Variants in KPNA7 observed in about 807,000 individuals in gnomAD.
KPNA7 encodes importin subunit alpha-8.
A neutral mutation model predicts 53.7 loss-of-function variants in KPNA7; 54 were observed. The observed-to-expected ratio is 1.01, with a 90% CI of 0.81 to 1.26. The LOEUF is 1.26. Ranked by LOEUF, KPNA7 falls within the 50% of genes most tolerant of loss-of-function variation. KPNA7 has a pLI of 0.00. For missense variants in KPNA7, 640 were observed against 644.5 expected (o/e 0.99, Z 0.07); for synonymous variants, 276 against 259.3 (o/e 1.06, Z -0.62).
the KPNA7 span, among the ~76,000 whole-genome samples, chr7:99,163,380 TA>T: frequency 0.02 from 1,444 of 70,512 alleles, 27 homozygotes; most frequent in African/African-American, 0.055. Context: ...TATATATATA[TA>T]TATTTTTTTT....
intron 2 of KPNA7, 78 bp downstream of exon 2, chr7:99,207,323 G>T: frequency 8.1e-7 from 1 of 1,229,684 alleles, no homozygotes; most frequent in Non-Finnish European, 1.2e-6. Context: ...ATGAGCCACC[G>T]CGCCTGGTCT....
At chr7:99,176,753 C>A (rs1360806241) in intron 10 of KPNA7, among the ~76,000 whole-genome samples, 1 of 152,108 alleles carries the variant, frequency 6.6e-6, no homozygotes, top group Non-Finnish European at 1.5e-5. Flanking sequence ...GTGGTGCATG[C>A]CTGTAGTCCC....
chr7:99,182,016 G>A lies in KPNA7; in HGVS notation c.1184C>T (p.Ala395Val). The A allele has an allele frequency of 6.5e-7, 1 of 1,548,874 alleles. No individual in the cohort carries two copies. The highest frequency in any genetic ancestry group is 8.7e-7 in the Non-Finnish European group (1 of 1,144,816). The change falls in exon 9 of 11, where the codon GCA (alanine) becomes GTA (valine). Residue 395 changes from alanine (A) to valine (V), a missense_variant. By Grantham distance (64) the Ala-to-Val change is moderately conservative. Transcript: ENST00000327442. ...CAGCTGATCCATGGTGGCCCCTGTTGCAAAGTTCGCCACCATCCAGACAGC... is the reference window on the plus strand; with the variant it reads ...CAGCTGATCCATGGTGGCCCCTGTTACAAAGTTCGCCACCATCCAGACAGC... ...KEAVWMVANF[A>V]TGATMDQLIQ...
At position 99,180,598 on chromosome 7, in the gene KPNA7, CGTCTCTGTCTCTCT is replaced by C. The variant is rs1008550059; in HGVS notation, c.1317+1271_1317+1284del. Among the ~76,000 whole-genome samples, 3 of 132,314 alleles carry C rather than the reference CGTCTCTGTCTCTCT, an allele frequency of 2.3e-5. 1 individual carries two copies. The highest frequency in any genetic ancestry group is 4.9e-5 in the Non-Finnish European group (3 of 61,486). 86.8% of individuals were successfully genotyped at this position (132,314 alleles called of 152,430 possible). A position where few individuals can be genotyped will look rare whatever the true frequency, so the allele number is the denominator to read the frequency against. ...GTCTCTGTCCATCTCTCCGTCTCTC[CGTCTCTGTCTCTCT>C]CCCCATCTCTCTCTCCCCGTCTCTC... On this transcript the variant is annotated intron_variant, in intron 9 of 10. Transcript: ENST00000327442.
At chr7:99,186,159 T>C (rs73147654) in intron 7 of KPNA7, among the ~76,000 whole-genome samples, 9,480 of 152,276 alleles carry the variant, frequency 0.062, 425 homozygotes, top group African/African-American at 0.12. Flanking sequence ...GCATATTTAA[T>C]TGGAGATAAT....
At chr7:99,165,532 A>G in the KPNA7 span, among the ~76,000 whole-genome samples, 2 of 152,180 alleles carry the variant, frequency 1.3e-5, no homozygotes, top group Non-Finnish European at 2.9e-5. Flanking sequence ...CCCAATGTCC[A>G]CTAAATCATA....
chr7:99,214,279 A>G (rs986786911), intron 1 of KPNA7, among the ~76,000 whole-genome samples: 1 of 112,058 alleles, frequency 8.9e-6, no homozygotes, highest in Non-Finnish European at 1.7e-5. Flanking sequence ...AAAAATATAC[A>G]AAAAAAAAAA....
rs1271965134 is a variant in KPNA7, at chr7:99,195,025, C to T, written c.553+45G>A. 5.2e-6 allele frequency: 8 copies of T among 1,539,362 alleles called. No homozygotes were observed. The African/African-American group carries it at 1.1e-4, about 21-fold the overall frequency. On this transcript the variant is annotated intron_variant, in intron 5 of 10. Transcript: ENST00000327442. ...CCCAAAGAAACCTTATAGTATCCCA[C>T]ACACCTGGCCCCGTTTTCTTAGCCC...
Position 99,205,068 on chromosome 7 carries a change from TA to T in KPNA7, c.67-1829del, listed in dbSNP as rs370428820. Among the ~76,000 whole-genome samples, 68 of 152,198 alleles carry T rather than the reference TA, an allele frequency of 4.5e-4. 3 individuals carry two copies. The East Asian group carries it at 0.013, about 29-fold the overall frequency. On this transcript the variant is annotated intron_variant, in intron 2 of 10. Transcript: ENST00000327442. ...TTCCTTCGTTCTCACTGATTTCCTT[TA>T]ATTTTCAGTGGTCCTAGAAGCCGGA...
At chr7:99,188,001 C>A (rs2150733052) in intron 7 of KPNA7, among the ~76,000 whole-genome samples, 1 of 150,812 alleles carries the variant, frequency 6.6e-6, no homozygotes, top group African/African-American at 2.4e-5. Flanking sequence ...CATGGTAAAA[C>A]CCTGTCCCTA....
At chr7:99,151,261 A>G in the KPNA7 span, among the ~76,000 whole-genome samples, 33 of 152,206 alleles carry the variant, frequency 2.2e-4, no homozygotes, top group African/African-American at 7.7e-4. Context: ...CTATCTGCCT[A>G]GGACTTCTCT....
At chr7:99,214,745 T>G (rs532113907) in intron 1 of KPNA7, among the ~76,000 whole-genome samples, 5 of 428 alleles carry the variant, frequency 0.012, no homozygotes, top group African/African-American at 0.039. Context: ...GGAGGGGAGG[T>G]AGGGGAGGGG....
intron 1 of KPNA7, among the ~76,000 whole-genome samples, chr7:99,214,084 G>A (rs558648399): frequency 9.9e-5 from 15 of 152,122 alleles, no homozygotes; most frequent in African/African-American, 2.2e-4. Flanking sequence ...TGACTCCTGC[G>A]TCCAAGCTTT....
the KPNA7 span, among the ~76,000 whole-genome samples, chr7:99,146,726 A>C: frequency 3.2e-4 from 41 of 128,216 alleles, 1 homozygote; most frequent in African/African-American, 1.3e-3. Context: ...AAAAAAAAAA[A>C]AAAAAAAAAA....
In KPNA7 at chr7:99,188,495, G is replaced by A. The variant is rs577711835; in HGVS notation, c.705C>T (p.Cys235=). 2.1e-5 allele frequency: 32 copies of A among 1,551,546 alleles called. No individual in the cohort carries two copies. The highest frequency in any genetic ancestry group is 7.1e-5 in the South Asian group (6 of 84,058). ...NLCRNKNPYP[C]DTAVKQILPA... Reference sequence around the variant, plus strand: ...GCAGTATCTGCTTCACCGCAGTGTCGCAAGGGTATGGGTTCTTGTTTCGGC... The same window carrying A: ...GCAGTATCTGCTTCACCGCAGTGTCACAAGGGTATGGGTTCTTGTTTCGGC... The change falls in exon 7 of 11, where the codon TGC becomes TGT. Residue 235 remains cysteine (C), a synonymous_variant. Transcript: ENST00000327442.
intron 7 of KPNA7, among the ~76,000 whole-genome samples, chr7:99,186,025 T>G (rs551193518): frequency 3.4e-4 from 52 of 152,174 alleles, no homozygotes; most frequent in African/African-American, 1.2e-3. Context: ...ACTCCTGACC[T>G]CAAGTGATCT....
At chr7:99,163,213 A>G in the KPNA7 span, among the ~76,000 whole-genome samples, 1 of 151,584 alleles carries the variant, frequency 6.6e-6, no homozygotes, top group Non-Finnish European at 1.5e-5. Context: ...AATTCAACCT[A>G]GAAAAGAAAT....
chr7:99,165,446 C>T, the KPNA7 span, among the ~76,000 whole-genome samples: 148,475 of 152,190 alleles, frequency 0.98, 72,519 homozygotes, highest in East Asian at 1. Flanking sequence ...CCTCGAGGAG[C>T]ACCCCACCCT....
chr7:99,211,732 C>T (rs551174916), upstream of KPNA7, among the ~76,000 whole-genome samples: 2 of 152,300 alleles, frequency 1.3e-5, no homozygotes, highest in African/African-American at 2.4e-5. Flanking sequence ...CAACAGCCCA[C>T]ACCATCCCTC....
Sources: gnomAD v4.1 joint callset for allele counts (sites outside exome capture counted in the v4.1 genomes callset) on GRCh38, gnomAD v4.1.1 for gene constraint, MANE v1.5 for transcripts, NCBI Gene and HGNC (gene_info 2026-07-23, HGNC 2026-07-21) for gene names.